The following ATM variants were observed in gnomAD, a reference collection of about 807,000 sequenced individuals.
ATM encodes the protein serine-protein kinase ATM.
In ATM, 308 loss-of-function variants were observed where a neutral mutation model predicts 387.0. The observed-to-expected ratio is 0.80, with a 90% CI of 0.73 to 0.87. The LOEUF is 0.87. Ranked by LOEUF, ATM falls within the 40% of genes least tolerant of loss-of-function variation. The pLI, the probability that ATM is intolerant of heterozygous loss-of-function variation, is 0.00. For missense variants in ATM, 3,312 were observed against 3,560.9 expected (o/e 0.93, Z 1.78); for synonymous variants, 1,156 against 1,187.3 (o/e 0.97, Z 0.54).
chr11:108,252,743 T>G, intron 11 of ATM, 74 bp from the exon 12 acceptor site: 1 of 1,010,980 alleles, frequency 9.9e-7, no homozygotes, highest in Non-Finnish European at 1.5e-6. Context: ...TAGCTAAACA[T>G]GGATGTTAAA....
chr11:108,320,898 C>T (rs1358946701), intron 44 of ATM, among the ~76,000 whole-genome samples: 1 of 152,048 alleles, frequency 6.6e-6, no homozygotes, highest in African/African-American at 2.4e-5. Context: ...ATTATAATAC[C>T]ATATTCTTAC....
Position 108,363,792 on chromosome 11 carries a change from G to A in ATM, c.8851-1290G>A, listed in dbSNP as rs552761748. Among the ~76,000 whole-genome samples, 6 of 152,194 alleles carry A rather than the reference G, an allele frequency of 3.9e-5. No individual in the cohort carries two copies. The South Asian group carries it at 1.2e-3, about 32-fold the overall frequency. On this transcript the variant is annotated intron_variant, in intron 61 of 62. Coordinates refer to ENST00000675843, the MANE Select transcript of ATM (RefSeq NM_000051.4). The stretch of plus-strand genomic sequence containing the variant: ...CAGTTCCTCCTTAATTCTAATATTT[G>A]CAAGTATGATTCCTGACACAAGCCC...
intron 37 of ATM, 149 bp from the exon 38 acceptor site, chr11:108,307,748 T>C: frequency 1.5e-6 from 1 of 672,170 alleles, no homozygotes; most frequent in South Asian, 1.7e-5. Context: ...GCAAAAGAAA[T>C]CCTATTAAAT....
At chr11:108,273,331 C>CTTT (rs563140198) in intron 22 of ATM, among the ~76,000 whole-genome samples, 7 of 80,654 alleles carry the variant, frequency 8.7e-5, no homozygotes, top group Non-Finnish European at 1.1e-4. Context: ...TAATTTCATT[C>CTTT]TTTTTTTTTT....
chr11:108,252,901 C>T lies in ATM; in HGVS notation c.1887C>T (p.Ser629=), dbSNP rs143097772. The change falls in exon 12 of 63, where the codon AGC becomes AGT. Residue 629 remains serine (S), a synonymous_variant. Transcript: ENST00000675843. ...NCKAAMNFFQ[S]VPECEHHQKD... ...AAGCTGCAATGAATTTTTTCCAAAG[C>T]GTGCCAGAATGGTATGTTATCTAAT... 2.1e-5 allele frequency: 34 copies of T among 1,610,280 alleles called. No homozygotes were observed. The highest frequency in any genetic ancestry group is 1.1e-4 in the African/African-American group (8 of 74,782).
chr11:108,237,864 A>T (rs1016839241), intron 5 of ATM, among the ~76,000 whole-genome samples: 1 of 147,694 alleles, frequency 6.8e-6, no homozygotes, highest in Non-Finnish European at 1.5e-5. Context: ...GAGTTTTCCA[A>T]TCCATGAACA....
intron 45 of ATM, among the ~76,000 whole-genome samples, chr11:108,322,405 C>G (rs2085303169): frequency 6.6e-6 from 1 of 152,226 alleles, no homozygotes; most frequent in Admixed American, 6.5e-5. Flanking sequence ...CCACCCGCTT[C>G]AGCCTCCCAA....
chr11:108,261,329 AC>A (rs2135444279), intron 16 of ATM, among the ~76,000 whole-genome samples: 1 of 152,192 alleles, frequency 6.6e-6, no homozygotes, highest in South Asian at 2.1e-4. Context: ...CCTGACCCTG[AC>A]CCCCGAACAG....
intron 15 of ATM, among the ~76,000 whole-genome samples, chr11:108,258,582 GC>G (rs2080653353): frequency 1.3e-5 from 2 of 152,050 alleles, no homozygotes; most frequent in South Asian, 4.2e-4. Context: ...GCCAAGCCAG[GC>G]CCCAGAGTAT....
intron 20 of ATM, among the ~76,000 whole-genome samples, chr11:108,271,781 G>C (rs1028723665): frequency 2.0e-5 from 3 of 152,202 alleles, no homozygotes; most frequent in African/African-American, 7.2e-5. Flanking sequence ...ATAACACCCT[G>C]ATACTTACAG....
At chr11:108,301,905 C>T in intron 35 of ATM, 116 bp downstream of exon 35, 1 of 1,121,540 alleles carries the variant, frequency 8.9e-7, no homozygotes. Flanking sequence ...ATTAACCTTT[C>T]CTATAAGTAA....
intron 37 of ATM, among the ~76,000 whole-genome samples, chr11:108,306,257 T>C (rs1565483867): frequency 6.6e-6 from 1 of 152,218 alleles, no homozygotes. Flanking sequence ...TACTAGATTA[T>C]AGGCTGTTCT....
intron 16 of ATM, among the ~76,000 whole-genome samples, chr11:108,262,746 G>A (rs1444763495): frequency 6.7e-6 from 1 of 149,050 alleles, no homozygotes; most frequent in African/African-American, 2.5e-5. Flanking sequence ...CCCATCTCAC[G>A]TGCAGAGACA....
intron 1 of ATM, chr11:108,224,768 GTT>G (rs1476525844): frequency 6.6e-6 from 1 of 152,092 alleles, no homozygotes; most frequent in Admixed American, 6.5e-5. Context: ...CTATTACTGT[GTT>G]TTTGTTTCCT....
At chr11:108,282,663 T>A in intron 24 of ATM, 47 bp from the exon 25 acceptor site, 1 of 1,552,256 alleles carries the variant, frequency 6.4e-7, no homozygotes. Flanking sequence ...TTTAAATGAT[T>A]TATTTTTTTC....
intron 6 of ATM, among the ~76,000 whole-genome samples, chr11:108,244,435 G>A (rs2079728715): frequency 6.6e-6 from 1 of 152,110 alleles, no homozygotes; most frequent in East Asian, 1.9e-4. Context: ...AAATAAAATA[G>A]GAAAATATTT....
intron 9 of ATM, 95 bp downstream of exon 9, chr11:108,249,197 A>T: frequency 7.1e-7 from 1 of 1,416,088 alleles, no homozygotes; most frequent in South Asian, 1.2e-5. Context: ...TCTCAACCAG[A>T]ACTAAGTCAT....
In ATM at chr11:108,365,526, ACC is replaced by A. The variant is rs765917174; in HGVS notation, c.*20_*21del. On this transcript the variant is annotated 3_prime_UTR_variant, in exon 63 of 63. Coordinates refer to ENST00000675843, the MANE Select transcript of ATM (RefSeq NM_000051.4). Reference sequence around the variant, plus strand: ...GGGTGTGATCTTCAGTATATGAATTACCCTTTCATTCAGCCTTTAGAAATTAT... The same window carrying A: ...GGGTGTGATCTTCAGTATATGAATTACTTTCATTCAGCCTTTAGAAATTAT... 4.3e-6 allele frequency: 7 copies of A among 1,612,352 alleles called. No homozygotes were observed. Among genetic ancestry groups the A allele is most frequent in the Non-Finnish European group, 5.9e-6 (7 of 1,179,096 alleles).
At chr11:108,311,863 T>C (rs974313698) in intron 39 of ATM, among the ~76,000 whole-genome samples, 2 of 152,242 alleles carry the variant, frequency 1.3e-5, no homozygotes, top group Non-Finnish European at 2.9e-5. Flanking sequence ...CTGAATGTTA[T>C]ATGTATAAAA....
Sources: gnomAD v4.1 joint callset for allele counts (sites outside exome capture counted in the v4.1 genomes callset) on GRCh38, gnomAD v4.1.1 for gene constraint, MANE v1.5 for transcripts, NCBI Gene and HGNC (gene_info 2026-07-23, HGNC 2026-07-21) for gene names.